The following CCSER1 variants were observed in gnomAD, a reference collection of about 807,000 sequenced individuals.
CCSER1 encodes serine-rich coiled-coil domain-containing protein 1.
In CCSER1, 41 loss-of-function variants were observed where a neutral mutation model predicts 82.0. That is an observed-to-expected ratio of 0.50 (90% confidence interval 0.39 to 0.65). CCSER1 has a LOEUF of 0.65. CCSER1 is among the 30% of genes least tolerant of loss of function. The pLI, the probability that CCSER1 is intolerant of heterozygous loss-of-function variation, is 0.00. For missense variants in CCSER1, 1,119 were observed against 1,064.2 expected, an observed-to-expected ratio of 1.05 and a Z score of -0.72; for synonymous variants, 414 against 383.9, an observed-to-expected ratio of 1.08 and a Z score of -0.92.
At chr4:90,443,978 C>A (rs1179376077) in intron 4 of CCSER1, among the ~76,000 whole-genome samples, 3 of 151,832 alleles carry the variant, frequency 2.0e-5, no homozygotes, top group Non-Finnish European at 4.4e-5. Flanking sequence ...AGTATGCATG[C>A]TGGTAATATA....
At chr4:90,209,313 C>T (rs1739506063) in intron 1 of CCSER1, among the ~76,000 whole-genome samples, 1 of 152,146 alleles carries the variant, frequency 6.6e-6, no homozygotes, top group Admixed American at 6.5e-5. Context: ...TGGATTTGCC[C>T]TTGGAGCATT....
intron 10 of CCSER1, among the ~76,000 whole-genome samples, chr4:91,472,069 T>C (rs932206264): frequency 6.6e-6 from 1 of 152,166 alleles, no homozygotes; most frequent in Non-Finnish European, 1.5e-5. Context: ...AGAATTCACT[T>C]GGCACACATG....
At chr4:91,464,940 G>C (rs1433337698) in intron 10 of CCSER1, among the ~76,000 whole-genome samples, 1 of 152,192 alleles carries the variant, frequency 6.6e-6, no homozygotes, top group African/African-American at 2.4e-5. Context: ...GTATTAGACA[G>C]ATCAATGAGA....
rs188430859 is a variant in CCSER1, at chr4:90,957,013, A to T, written c.2172+33566A>T. Among the ~76,000 whole-genome samples, 490 of 144,228 alleles carry T rather than the reference A, an allele frequency of 3.4e-3. 3 individuals carry two copies. Among genetic ancestry groups the T allele is most frequent in the Non-Finnish European group, 3.4e-3 (226 of 66,588 alleles). 94.6% of individuals were successfully genotyped at this position (144,228 alleles called of 152,430 possible). On this transcript the variant is annotated intron_variant, in intron 9 of 10. Coordinates refer to ENST00000509176, the MANE Select transcript of CCSER1 (RefSeq NM_001145065.2). The stretch of plus-strand genomic sequence containing the variant: ...AGGCTGGTCTTGAATTCCTGACCTC[A>T]GCAATCTTCCTTCCTTGGCCTACCA...
intron 6 of CCSER1, among the ~76,000 whole-genome samples, chr4:90,630,856 T>A (rs150291982): frequency 6.3e-4 from 93 of 147,730 alleles, no homozygotes; most frequent in African/African-American, 2.2e-3. Flanking sequence ...AATCGTTCAA[T>A]CTTTGTTCAC....
intron 4 of CCSER1, among the ~76,000 whole-genome samples, chr4:90,422,499 G>A (rs1378885116): frequency 6.6e-6 from 1 of 152,114 alleles, no homozygotes; most frequent in Non-Finnish European, 1.5e-5. Context: ...GGAGGCTGGG[G>A]TGGGAGGATC....
chr4:91,490,427 C>T (rs2110067597), intron 10 of CCSER1, among the ~76,000 whole-genome samples: 1 of 152,080 alleles, frequency 6.6e-6, no homozygotes, highest in South Asian at 2.1e-4. Flanking sequence ...AGAAAGAGAT[C>T]CTGTCATTTG....
At chr4:91,509,263 G>A (rs1260935571) in intron 10 of CCSER1, among the ~76,000 whole-genome samples, 2 of 151,900 alleles carry the variant, frequency 1.3e-5, no homozygotes, top group African/African-American at 4.8e-5. Flanking sequence ...TGTTTCAGCT[G>A]TAACAAATCC....
intron 10 of CCSER1, among the ~76,000 whole-genome samples, chr4:91,413,230 G>A (rs1753168317): frequency 6.6e-6 from 1 of 152,020 alleles, no homozygotes; most frequent in African/African-American, 2.4e-5. Flanking sequence ...ATAGCTTAAG[G>A]CCAGGAGTTT....
chr4:90,911,194 A>G (rs1726287860), intron 8 of CCSER1: 1 of 421,880 alleles, frequency 2.4e-6, no homozygotes, highest in African/African-American at 2.1e-5. Flanking sequence ...CCTTTTTTTC[A>G]AGTTAGCAAT....
intron 10 of CCSER1, among the ~76,000 whole-genome samples, chr4:91,459,551 A>T (rs141214590): frequency 2.6e-4 from 40 of 152,270 alleles, no homozygotes; most frequent in African/African-American, 9.4e-4. Flanking sequence ...TAGGGAGATG[A>T]AATAACAGAT....
At chr4:91,540,226 T>G (rs1761516502) in intron 10 of CCSER1, among the ~76,000 whole-genome samples, 1 of 152,142 alleles carries the variant, frequency 6.6e-6, no homozygotes, top group Admixed American at 6.6e-5. Context: ...CCTACATTGA[T>G]GCATCCTTAT....
chr4:91,483,940 T>C (rs1028986715), intron 10 of CCSER1, among the ~76,000 whole-genome samples: 5 of 151,906 alleles, frequency 3.3e-5, no homozygotes, highest in South Asian at 2.1e-4. Context: ...AGCTCCAAGA[T>C]AGTCTTGCCC....
chr4:91,464,454 A>G (rs774137068), intron 10 of CCSER1, among the ~76,000 whole-genome samples: 4 of 152,226 alleles, frequency 2.6e-5, no homozygotes, highest in Non-Finnish European at 5.9e-5. Context: ...ACTGACAAGC[A>G]AAATAACCAG....
intron 10 of CCSER1, among the ~76,000 whole-genome samples, chr4:91,485,703 C>T (rs914406921): frequency 2.0e-5 from 3 of 152,098 alleles, no homozygotes; most frequent in South Asian, 2.1e-4. Context: ...TACTAATGCA[C>T]TTGGACACAT....
intron 10 of CCSER1, among the ~76,000 whole-genome samples, chr4:91,279,003 T>C (rs1187616278): frequency 6.6e-6 from 1 of 152,172 alleles, no homozygotes; most frequent in Non-Finnish European, 1.5e-5. Context: ...GACTATCTCT[T>C]CTTCGTTTAT....
chr4:91,401,362 T>C (rs944667001), intron 10 of CCSER1, among the ~76,000 whole-genome samples: 6 of 148,304 alleles, frequency 4.0e-5, no homozygotes, highest in Admixed American at 1.4e-4. Flanking sequence ...TGATATACTA[T>C]ATATTATATA....
At chr4:90,261,311 A>T (rs1293960756) in intron 1 of CCSER1, among the ~76,000 whole-genome samples, 1 of 151,786 alleles carries the variant, frequency 6.6e-6, no homozygotes, top group Non-Finnish European at 1.5e-5. Flanking sequence ...AAATACCCTC[A>T]GCATTTGTTT....
In CCSER1 at chr4:90,954,038, T is replaced by C. The variant is rs116806142; in HGVS notation, c.2172+30591T>C. On this transcript the variant is annotated intron_variant, in intron 9 of 10. Coordinates refer to ENST00000509176, the MANE Select transcript of CCSER1 (RefSeq NM_001145065.2). ...TACTATCGGATTGAATGCTTACCAA[T>C]TTGGAAAATGTTTGTTGATTTTTAC... Among the ~76,000 whole-genome samples the C allele has an allele frequency of 9.1e-3, 1,189 of 130,906 alleles. 23 individuals are homozygous for C. The highest frequency in any genetic ancestry group is 0.03 in the African/African-American group (1,119 of 36,820). 85.9% of individuals were successfully genotyped at this position (130,906 alleles called of 152,430 possible). A position where few individuals can be genotyped will look rare whatever the true frequency, so the allele number is the denominator to read the frequency against.
Sources: allele counts gnomAD v4.1 joint callset (sites outside exome capture counted in the v4.1 genomes callset), GRCh38; gene constraint gnomAD v4.1.1; transcripts MANE v1.5; gene names NCBI Gene and HGNC (gene_info 2026-07-23, HGNC 2026-07-21).